CDK19: variants seen among roughly 807,000 people sequenced by gnomAD.
The protein encoded by CDK19 is cyclin dependent kinase 19.
A neutral mutation model predicts 68.3 loss-of-function variants in CDK19; 20 were observed. That is an observed-to-expected ratio of 0.29 (90% CI 0.21 to 0.43). The LOEUF is 0.43. CDK19 is among the 20% of genes least tolerant of loss of function. The probability of loss-of-function intolerance (pLI) is 1.00; values close to 1 mark genes in which losing one functional copy is unlikely to be tolerated. For missense variants in CDK19, 339 were observed against 623.5 expected (o/e 0.54, Z 4.86); for synonymous variants, 221 against 222.8 (o/e 0.99, Z 0.07).
At position 110,616,517 on chromosome 6, in the gene CDK19, A is replaced by G. The variant is rs141870464; in HGVS notation, c.1378-1851T>C. Among the ~76,000 whole-genome samples, 997 of 152,028 alleles carry G rather than the reference A, an allele frequency of 6.6e-3. 13 individuals carry two copies. Among genetic ancestry groups the G allele is most frequent in the African/African-American group, 0.023 (936 of 41,444 alleles). ...ACCCCATCTCTACTAAAAATACAAAAATTAGCCAGGCATGGTGGTGGGTCC... is the reference window on the plus strand; with the variant it reads ...ACCCCATCTCTACTAAAAATACAAAGATTAGCCAGGCATGGTGGTGGGTCC... On this transcript the variant is annotated intron_variant, in intron 12 of 12. Coordinates refer to ENST00000368911, the MANE Select transcript of CDK19 (RefSeq NM_015076.5).
At chr6:110,719,523 C>T (rs1320013036) in intron 2 of CDK19, among the ~76,000 whole-genome samples, 1 of 151,576 alleles carries the variant, frequency 6.6e-6, no homozygotes, top group African/African-American at 2.4e-5. Context: ...GACCCCAACT[C>T]AAAAAATAAA....
chr6:110,663,450 T>C (rs190125639), intron 4 of CDK19, among the ~76,000 whole-genome samples: 5 of 152,306 alleles, frequency 3.3e-5, no homozygotes, highest in East Asian at 1.9e-4. Context: ...ACCATGACAA[T>C]ATGGCACAGA....
chr6:110,732,024 A>C (rs568473595), intron 2 of CDK19, among the ~76,000 whole-genome samples: 2 of 152,312 alleles, frequency 1.3e-5, no homozygotes, highest in South Asian at 4.1e-4. Flanking sequence ...CTAAGTAATC[A>C]GATCTGTGAA....
At position 110,815,050 on chromosome 6, in the gene CDK19, G is replaced by T; in HGVS notation, c.87C>A (p.Arg29=). ...LFEYEGCKVG[R]GTYGHVYKAR... ...CCTTGTAGACGTGACCGTAGGTGCC[G>T]CGTCCCACTTTGCACCCTTCGTACT... is the stretch of plus-strand genomic sequence containing the variant. Residue 29 remains arginine, a synonymous_variant, in exon 1 of 13, where the codon CGC becomes CGA. Transcript: ENST00000368911. 6.2e-7 allele frequency: 1 copy of T among 1,605,846 alleles called. No individual in the cohort carries two copies. The highest frequency in any genetic ancestry group is 8.5e-7 in the Non-Finnish European group (1 of 1,176,822).
At chr6:110,623,260 C>G in intron 9 of CDK19, 30 bp downstream of exon 9, 1 of 1,582,076 alleles carries the variant, frequency 6.3e-7, no homozygotes, top group South Asian at 1.1e-5. Context: ...TGCTGAGAAT[C>G]AGATTTTAGT....
chr6:110,631,473 A>G (rs546522757), intron 6 of CDK19, among the ~76,000 whole-genome samples: 3 of 152,288 alleles, frequency 2.0e-5, no homozygotes, highest in African/African-American at 7.2e-5. Flanking sequence ...TTTCTTACTC[A>G]GTTTTTTTAA....
intron 2 of CDK19, among the ~76,000 whole-genome samples, chr6:110,683,688 A>G (rs1215132346): frequency 2.0e-5 from 3 of 150,534 alleles, no homozygotes; most frequent in African/African-American, 2.4e-5. Flanking sequence ...CTTTTTTAGT[A>G]TAAGTATTTA....
At chr6:110,688,870 G>A (rs1772734995) in intron 2 of CDK19, among the ~76,000 whole-genome samples, 1 of 152,202 alleles carries the variant, frequency 6.6e-6, no homozygotes. Context: ...GTAACCTCAA[G>A]TGGGGACAAA....
chr6:110,718,290 G>A (rs1483904838), intron 2 of CDK19, among the ~76,000 whole-genome samples: 4 of 152,140 alleles, frequency 2.6e-5, no homozygotes, highest in African/African-American at 7.2e-5. Context: ...TAGAAGCTGG[G>A]GGTCTAAACC....
intron 8 of CDK19, 56 bp downstream of exon 8, chr6:110,626,720 C>G: frequency 9.5e-7 from 1 of 1,058,102 alleles, no homozygotes; most frequent in Non-Finnish European, 1.4e-6. Context: ...ATTACCCAGT[C>G]TAAGGTATTT....
At chr6:110,650,234 TTAA>T (rs1471490578) in intron 4 of CDK19, among the ~76,000 whole-genome samples, 1 of 152,186 alleles carries the variant, frequency 6.6e-6, no homozygotes, top group African/African-American at 2.4e-5. Context: ...AAATCTATCT[TTAA>T]GTAGAAGAAA....
At chr6:110,666,238 AC>A (rs1781920920) in intron 4 of CDK19, among the ~76,000 whole-genome samples, 1 of 143,232 alleles carries the variant, frequency 7.0e-6, no homozygotes. Flanking sequence ...AGATGGTGAA[AC>A]CCTGTCTCTA....
At chr6:110,801,781 G>A (rs1782363134) in intron 1 of CDK19, among the ~76,000 whole-genome samples, 1 of 152,146 alleles carries the variant, frequency 6.6e-6, no homozygotes. Context: ...AAAGTGCTGG[G>A]ATTACAGGCA....
intron 2 of CDK19, among the ~76,000 whole-genome samples, chr6:110,723,586 AC>A (rs1285895191): frequency 6.6e-6 from 1 of 152,202 alleles, no homozygotes; most frequent in African/African-American, 2.4e-5. Context: ...CAAAATACCA[AC>A]AAAGTAAATG....
intron 4 of CDK19, among the ~76,000 whole-genome samples, chr6:110,651,044 G>C (rs930322899): frequency 8.2e-4 from 125 of 152,262 alleles, no homozygotes; most frequent in Non-Finnish European, 1.2e-3. Flanking sequence ...CAGCAAAGAG[G>C]TCAATGTAAG....
rs187949360 is a variant in CDK19 at position 110,691,716 on chromosome 6, T to C, written c.205-21175A>G. On this transcript the variant is annotated intron_variant, in intron 2 of 12. Coordinates refer to ENST00000368911, the MANE Select transcript of CDK19 (RefSeq NM_015076.5). ...AGGTTGGAGTACAATGGCATGATCT[T>C]GGCTCATTGCAACCTCCGCCTCCTG... 7.8e-3 allele frequency among the ~76,000 whole-genome samples: 1,177 copies of C among 151,256 alleles called. 12 individuals carry two copies. The highest frequency in any genetic ancestry group is 0.012 in the Non-Finnish European group (824 of 67,824).
intron 4 of CDK19, chr6:110,645,855 G>A (rs2114821687): frequency 2.5e-5 from 16 of 648,708 alleles, no homozygotes; most frequent in South Asian, 2.3e-4. Context: ...CCTGACCTTC[G>A]ATTTCGAAGA....
At chr6:110,662,420 A>T (rs1781678445) in intron 4 of CDK19, among the ~76,000 whole-genome samples, 1 of 152,192 alleles carries the variant, frequency 6.6e-6, no homozygotes, top group Non-Finnish European at 1.5e-5. Context: ...AGTTCAATTT[A>T]TATCACTGAT....
At chr6:110,690,770 A>C (rs1265054674) in intron 2 of CDK19, among the ~76,000 whole-genome samples, 2 of 152,230 alleles carry the variant, frequency 1.3e-5, no homozygotes, top group African/African-American at 4.8e-5. Flanking sequence ...CAGAACTCAT[A>C]TAGAGTCATC....
Sources: gnomAD v4.1 joint callset for allele counts (sites outside exome capture counted in the v4.1 genomes callset) on GRCh38, gnomAD v4.1.1 for gene constraint, MANE v1.5 for transcripts, NCBI Gene and HGNC (gene_info 2026-07-23, HGNC 2026-07-21) for gene names.